The following RPS6KA6 variants were observed in gnomAD, a reference collection of about 807,000 sequenced individuals.
RPS6KA6 encodes the protein ribosomal protein S6 kinase alpha-6.
In RPS6KA6, 27 loss-of-function variants were observed where a neutral mutation model predicts 65.4. The observed-to-expected ratio is 0.41, with a 90% CI of 0.30 to 0.57. RPS6KA6 has a LOEUF of 0.57. RPS6KA6 is among the 20% of genes least tolerant of loss of function. The probability of loss-of-function intolerance (pLI) is 0.24; values close to 1 mark genes in which losing one functional copy is unlikely to be tolerated. For synonymous variants in RPS6KA6, 190 were observed against 184.2 expected (o/e 1.03, Z -0.26); for missense variants, 486 against 555.6 (o/e 0.87, Z 1.26).
intron 1 of RPS6KA6, among the ~76,000 whole-genome samples, chrX:84,180,399 T>G (rs2035832571): frequency 9.0e-6 from 1 of 111,692 alleles, no homozygotes; most frequent in Admixed American, 9.6e-5. Context: ...GTTCTTTATT[T>G]TTTTATTTTT....
At chrX:84,110,675 C>G (rs1337381963) in intron 12 of RPS6KA6, among the ~76,000 whole-genome samples, 6 of 111,469 alleles carry the variant, frequency 5.4e-5, no homozygotes, top group African/African-American at 2.0e-4. Flanking sequence ...TCACACCCCC[C>G]AAGAGGGGCG....
chrX:84,160,052 C>G (rs1334640081), intron 2 of RPS6KA6, among the ~76,000 whole-genome samples: 1 of 111,233 alleles, frequency 9.0e-6, no homozygotes, highest in South Asian at 3.7e-4. Context: ...CCCTAGCAAA[C>G]TACACATGGT....
intron 1 of RPS6KA6, among the ~76,000 whole-genome samples, chrX:84,169,925 C>T (rs906097284): frequency 1.8e-5 from 2 of 110,929 alleles, no homozygotes; most frequent in Non-Finnish European, 3.8e-5. Flanking sequence ...AATCCCAGCA[C>T]TTTGGGAAAC....
chrX:84,131,737 A>G (rs1266206592), intron 8 of RPS6KA6, among the ~76,000 whole-genome samples: 1 of 112,334 alleles, frequency 8.9e-6, no homozygotes, highest in Non-Finnish European at 1.9e-5. Flanking sequence ...ACAAGATTAG[A>G]CAAGCCATAT....
chrX:84,098,227 G>A (rs181986684), intron 18 of RPS6KA6, among the ~76,000 whole-genome samples: 139 of 111,257 alleles, frequency 1.2e-3, no homozygotes, highest in African/African-American at 4.1e-3. Context: ...AGTAGAACAC[G>A]AAGTCTTATT....
At chrX:84,076,880 T>C (rs2033673428) in intron 20 of RPS6KA6, among the ~76,000 whole-genome samples, 1 of 111,328 alleles carries the variant, frequency 9.0e-6, no homozygotes, top group South Asian at 3.7e-4. Context: ...GAAAAACTGA[T>C]AGAATCTAGA....
rs1222204657 is a variant in RPS6KA6 at position 84,059,225 on chromosome X, AG to A, written c.*5051del. 3.2e-5 allele frequency: 3 copies of A among 94,303 alleles called. No homozygotes were observed. In the East Asian group the frequency reaches 1.0e-3, roughly 33 times the overall value. The allele number at this position is 94,303 out of a possible 1,213,427, so 7.8% of individuals were successfully genotyped here. Reference sequence around the variant, plus strand: ...CGGCTCACCGCAACCTCTGCCTCCCAGGTTCAAGTGATTCTCCTGTCTCAGC... The same window carrying A: ...CGGCTCACCGCAACCTCTGCCTCCCAGTTCAAGTGATTCTCCTGTCTCAGC... On this transcript the variant is annotated 3_prime_UTR_variant, in exon 22 of 22. Coordinates refer to ENST00000262752, the MANE Select transcript of RPS6KA6 (RefSeq NM_014496.5).
At chrX:84,103,333 T>TCAG (rs2034293451) in intron 17 of RPS6KA6, among the ~76,000 whole-genome samples, 1 of 110,744 alleles carries the variant, frequency 9.0e-6, no homozygotes, top group South Asian at 3.7e-4. Flanking sequence ...AAGGGAAGTC[T>TCAG]CAGCAGAAAA....
chrX:84,090,385 T>C (rs1310199161), intron 20 of RPS6KA6, among the ~76,000 whole-genome samples: 3 of 112,373 alleles, frequency 2.7e-5, no homozygotes, highest in Admixed American at 9.5e-5. Context: ...GTGGTACTAC[T>C]ATGAGTTCTA....
chrX:84,100,580 A>C (rs1489610220), intron 18 of RPS6KA6, among the ~76,000 whole-genome samples: 1 of 110,622 alleles, frequency 9.0e-6, no homozygotes, highest in Non-Finnish European at 1.9e-5. Flanking sequence ...CTACTGTATA[A>C]ATCTGTTAGA....
At position 84,105,887 on chromosome X, in the gene RPS6KA6, C is replaced by G. The variant is rs201677697; in HGVS notation, c.1366-11G>C. The G allele has an allele frequency of 5.1e-6, 5 of 988,833 alleles. No individual in the cohort carries two copies. Among genetic ancestry groups the G allele is most frequent in the Non-Finnish European group, 7.0e-6 (5 of 713,261 alleles). The allele number at this position is 988,833 out of a possible 1,213,427, so 81.5% of individuals were successfully genotyped here. On this transcript the variant is annotated splice_polypyrimidine_tract_variant and intron_variant, in intron 15 of 21. Coordinates refer to ENST00000262752, the MANE Select transcript of RPS6KA6 (RefSeq NM_014496.5). ...ACTTTTGTCAATGATCTAAGAAATA[C>G]GAAAAAAGAAAAATATCTGAGGCAA...
intron 20 of RPS6KA6, among the ~76,000 whole-genome samples, chrX:84,065,673 T>C (rs928197147): frequency 2.7e-5 from 3 of 112,393 alleles, no homozygotes; most frequent in Admixed American, 1.9e-4. Context: ...ATGTTATCTC[T>C]GTTGCAATTA....
chrX:84,110,017 C>G (rs1220254093), intron 12 of RPS6KA6, among the ~76,000 whole-genome samples: 1 of 111,530 alleles, frequency 9.0e-6, no homozygotes, highest in Non-Finnish European at 1.9e-5. Flanking sequence ...GTGATATCTA[C>G]AGAAAGCAGA....
At chrX:84,132,251 C>T (rs953700508) in intron 8 of RPS6KA6, among the ~76,000 whole-genome samples, 1 of 110,360 alleles carries the variant, frequency 9.1e-6, no homozygotes, top group Non-Finnish European at 1.9e-5. Context: ...AGCAAGACTC[C>T]GTCGCCACAC....
chrX:84,128,946 T>C (rs2034844604), intron 8 of RPS6KA6, among the ~76,000 whole-genome samples: 1 of 111,937 alleles, frequency 8.9e-6, no homozygotes, highest in South Asian at 3.7e-4. Context: ...AAAGATTTCT[T>C]AAGTAATAGC....
At chrX:84,115,414 A>G (rs770466157) in intron 12 of RPS6KA6, among the ~76,000 whole-genome samples, 13 of 112,309 alleles carry the variant, frequency 1.2e-4, no homozygotes, top group South Asian at 3.6e-4. Flanking sequence ...ATATGATTTT[A>G]TATCAGTCAG....
At chrX:84,128,617 A>G (rs1296218610) in intron 8 of RPS6KA6, among the ~76,000 whole-genome samples, 1 of 111,966 alleles carries the variant, frequency 8.9e-6, no homozygotes, top group African/African-American at 3.2e-5. Flanking sequence ...CTACAAAGCT[A>G]TAGTAACATG....
At chrX:84,065,143 TATACATGTATAC>T (rs1362853843) in intron 20 of RPS6KA6, 32 bp from the exon 21 acceptor site, 1 of 941,583 alleles carries the variant, frequency 1.1e-6, no homozygotes, top group African/African-American at 2.0e-5. Context: ...TGTATATATA[TATACATGTATAC>T]ATACATAATT....
In RPS6KA6 at chrX:84,071,930, A is replaced by C. The variant is rs138514876; in HGVS notation, c.1972-6819T>G. Among the ~76,000 whole-genome samples the C allele has an allele frequency of 5.7e-3, 640 of 112,087 alleles. 4 individuals are homozygous for C. Among genetic ancestry groups the C allele is most frequent in the African/African-American group, 0.02 (619 of 30,903 alleles). ...CAGACCAATAGAAAGTAACAGGATT[A>C]AATCAGTTACAAAAAGTCTCCCATC... On this transcript the variant is annotated intron_variant, in intron 20 of 21. Coordinates refer to ENST00000262752, the MANE Select transcript of RPS6KA6 (RefSeq NM_014496.5).
Sources: allele counts gnomAD v4.1 joint callset (sites outside exome capture counted in the v4.1 genomes callset), GRCh38; gene constraint gnomAD v4.1.1; transcripts MANE v1.5; gene names NCBI Gene and HGNC (gene_info 2026-07-23, HGNC 2026-07-21).